The following VEGFC variants were observed in gnomAD, a reference collection of about 807,000 sequenced individuals.
VEGFC encodes the protein FLT4 ligand DHM.
A neutral mutation model predicts 46.1 loss-of-function variants in VEGFC; 12 were observed. That is an observed-to-expected ratio of 0.26 (90% CI 0.17 to 0.42). VEGFC has a LOEUF of 0.42. Among genes scored for constraint, VEGFC ranks in the 10% least tolerant of loss-of-function variants. The pLI is 1.00. For missense variants in VEGFC, 488 were observed against 529.4 expected, an observed-to-expected ratio of 0.92 and a Z score of 0.77; for synonymous variants, 232 against 195.5, an observed-to-expected ratio of 1.19 and a Z score of -1.56.
At chr4:176,776,118 T>C (rs1016773416) in intron 1 of VEGFC, among the ~76,000 whole-genome samples, 6 of 152,226 alleles carry the variant, frequency 3.9e-5, no homozygotes, top group African/African-American at 1.4e-4. Flanking sequence ...TTTGGAAAGT[T>C]ACTCCATAAT....
At chr4:176,775,102 T>C (rs960023241) in intron 1 of VEGFC, among the ~76,000 whole-genome samples, 4 of 152,148 alleles carry the variant, frequency 2.6e-5, no homozygotes, top group African/African-American at 9.7e-5. Context: ...GACTTTTAGA[T>C]ATTTACCCTG....
intron 1 of VEGFC, among the ~76,000 whole-genome samples, chr4:176,746,592 A>G (rs144204921): frequency 8.9e-4 from 135 of 152,206 alleles, no homozygotes; most frequent in African/African-American, 3.0e-3. Flanking sequence ...TATAATTCCT[A>G]TATTTTATTG....
Position 176,690,328 on chromosome 4 carries a change from CT to C in VEGFC, c.705-2402del, listed in dbSNP as rs201626928. The stretch of plus-strand genomic sequence containing the variant: ...GAAGTTCTGTATCATCAGCAAGTTT[CT>C]TTTTTTTTTTTTGGCTTTTTGGTTT... On this transcript the variant is annotated intron_variant, in intron 4 of 6. Coordinates refer to ENST00000618562, the MANE Select transcript of VEGFC (RefSeq NM_005429.5). Among the ~76,000 whole-genome samples the C allele has an allele frequency of 5.3e-3, 748 of 140,632 alleles. 2 individuals are homozygous for C. Among genetic ancestry groups the C allele is most frequent in the African/African-American group, 0.011 (424 of 39,584 alleles). The allele number at this position is 140,632 out of a possible 152,430, so 92.3% of individuals were successfully genotyped here.
intron 1 of VEGFC, among the ~76,000 whole-genome samples, chr4:176,775,717 TTAA>T (rs1263159055): frequency 6.6e-6 from 1 of 152,234 alleles, no homozygotes; most frequent in Non-Finnish European, 1.5e-5. Context: ...GTTCAAGTGT[TTAA>T]TTACTTATTA....
At chr4:176,775,708 T>G (rs1004450281) in intron 1 of VEGFC, among the ~76,000 whole-genome samples, 5 of 152,220 alleles carry the variant, frequency 3.3e-5, no homozygotes, top group African/African-American at 9.6e-5. Flanking sequence ...TTTTGAATAG[T>G]TCAAGTGTTT....
chr4:176,763,234 A>C (rs896175341), intron 1 of VEGFC, among the ~76,000 whole-genome samples: 4 of 152,350 alleles, frequency 2.6e-5, no homozygotes, highest in Non-Finnish European at 4.4e-5. Context: ...CCCAAATACA[A>C]TTCCAAGGAA....
chr4:176,754,955 T>A (rs774746392), intron 1 of VEGFC, among the ~76,000 whole-genome samples: 3 of 152,050 alleles, frequency 2.0e-5, no homozygotes, highest in Admixed American at 6.6e-5. Flanking sequence ...AAAATACAGA[T>A]TGTCACAGGG....
At chr4:176,690,420 T>C (rs985732287) in intron 4 of VEGFC, among the ~76,000 whole-genome samples, 3 of 152,070 alleles carry the variant, frequency 2.0e-5, no homozygotes, top group Non-Finnish European at 4.4e-5. Flanking sequence ...GTTACACAGA[T>C]AGCATCCGTT....
chr4:176,775,113 G>C (rs945880781), intron 1 of VEGFC, among the ~76,000 whole-genome samples: 5 of 152,118 alleles, frequency 3.3e-5, no homozygotes, highest in African/African-American at 1.2e-4. Context: ...ATTTACCCTG[G>C]AGTGGAGGAT....
intron 3 of VEGFC, among the ~76,000 whole-genome samples, chr4:176,722,873 CAT>C (rs766324957): frequency 6.6e-6 from 1 of 152,158 alleles, no homozygotes; most frequent in Non-Finnish European, 1.5e-5. Flanking sequence ...TGCTACTGAG[CAT>C]ACACACCTAC....
At chr4:176,700,103 C>A (rs898093794) in intron 4 of VEGFC, among the ~76,000 whole-genome samples, 1 of 152,186 alleles carries the variant, frequency 6.6e-6, no homozygotes, top group Non-Finnish European at 1.5e-5. Context: ...AAGGCTAATA[C>A]AATCATTGCA....
intron 4 of VEGFC, among the ~76,000 whole-genome samples, chr4:176,702,458 C>A (rs1734450711): frequency 6.6e-6 from 1 of 152,032 alleles, no homozygotes; most frequent in African/African-American, 2.4e-5. Context: ...CTTGGCTATG[C>A]TGAACATTGT....
Position 176,727,896 on chromosome 4 carries a change from C to T in VEGFC, c.434G>A (p.Gly145Glu), listed in dbSNP as rs1249175311. The T allele has an allele frequency of 6.2e-7, 1 of 1,613,798 alleles. No homozygotes were observed. Among genetic ancestry groups the T allele is most frequent in the Admixed American group, 1.7e-5 (1 of 59,982 alleles). Reference sequence around the variant, plus strand: ...TTTAAAGAAGGTGTTTGTCGCGACTCCAAACTCCTTCCCCACATCTATACA... The same window carrying T: ...TTTAAAGAAGGTGTTTGTCGCGACTTCAAACTCCTTCCCCACATCTATACA... ...EVCIDVGKEF[G>E]VATNTFFKPP... The change falls in exon 3 of 7, where the codon GGA (glycine) becomes GAA (glutamate). Residue 145 changes from glycine (G) to glutamate (E), a missense_variant. Physicochemically the swap from Gly to Glu is moderately conservative, Grantham distance 98. Transcript: ENST00000618562.
Position 176,792,108 on chromosome 4 carries a change from C to T in VEGFC, c.147+57G>A. The T allele has an allele frequency of 7.1e-7, 1 of 1,404,216 alleles. No homozygotes were observed. Among genetic ancestry groups the T allele is most frequent in the Non-Finnish European group, 9.3e-7 (1 of 1,073,966 alleles). 87.0% of individuals were successfully genotyped at this position (1,404,216 alleles called of 1,614,324 possible). A position where few individuals can be genotyped will look rare whatever the true frequency, so the allele number is the denominator to read the frequency against. ...TTTCCCCCGCGCAGGTTCTCGGGTC[C>T]GCCGCAGACCCTAACGCAAACTCTC... On this transcript the variant is annotated intron_variant, in intron 1 of 6. Transcript: ENST00000618562. This position sits in a 1 kb window ranked among gnomAD's most constrained non-coding sequence, Gnocchi z 6.3.
intron 1 of VEGFC, among the ~76,000 whole-genome samples, chr4:176,754,289 T>C (rs900156658): frequency 9.9e-5 from 15 of 151,976 alleles, no homozygotes; most frequent in Non-Finnish European, 2.1e-4. Context: ...AGCTCATTAG[T>C]TTCTCATTGC....
At chr4:176,778,394 GAA>G (rs34591455) in intron 1 of VEGFC, among the ~76,000 whole-genome samples, 6 of 150,908 alleles carry the variant, frequency 4.0e-5, no homozygotes, top group Admixed American at 2.0e-4. Context: ...ACATATTTAG[GAA>G]AAAAAAAACA....
Position 176,770,489 on chromosome 4 carries a change from T to C in VEGFC, c.147+21676A>G, listed in dbSNP as rs76824964. Among the ~76,000 whole-genome samples, 247 of 149,016 alleles carry C rather than the reference T, an allele frequency of 1.7e-3. 9 individuals are homozygous for C. The highest frequency in any genetic ancestry group is 6.3e-3 in the African/African-American group (243 of 38,528). On this transcript the variant is annotated intron_variant, in intron 1 of 6. Coordinates refer to ENST00000618562, the MANE Select transcript of VEGFC (RefSeq NM_005429.5). ...TGCTTAGCAGGTTTATTTGGCTACA[T>C]ATGAAGTCTCTTTTAAAACCTGACA... is the stretch of plus-strand genomic sequence containing the variant.
intron 3 of VEGFC, among the ~76,000 whole-genome samples, chr4:176,716,423 T>C (rs1734698989): frequency 6.6e-6 from 1 of 151,282 alleles, no homozygotes; most frequent in African/African-American, 2.4e-5. Flanking sequence ...CTAAAAATAC[T>C]AAAATTAGCT....
At chr4:176,754,505 T>C (rs1735400335) in intron 1 of VEGFC, among the ~76,000 whole-genome samples, 1 of 152,058 alleles carries the variant, frequency 6.6e-6, no homozygotes. Flanking sequence ...GGCTCATGGC[T>C]TCCTTCCACA....
Sources: gnomAD v4.1 joint callset for allele counts (sites outside exome capture counted in the v4.1 genomes callset) on GRCh38, gnomAD v4.1.1 for gene constraint, Gnocchi (gnomAD v3.1) non-coding constraint, MANE v1.5 for transcripts, NCBI Gene and HGNC (gene_info 2026-07-23, HGNC 2026-07-21) for gene names.